MTSS1: variants seen among roughly 807,000 people sequenced by gnomAD.
The protein encoded by MTSS1 is protein MTSS 1.
Under a neutral mutation model 79.0 loss-of-function variants are expected in MTSS1, and 18 were observed. The observed-to-expected ratio is 0.23, with a 90% confidence interval of 0.16 to 0.34. The LOEUF (loss-of-function observed/expected upper bound fraction) is 0.34. MTSS1 is among the 10% of genes least tolerant of loss of function. The pLI is 1.00. For synonymous variants in MTSS1, 341 were observed against 368.6 expected (o/e 0.93, Z 0.86); for missense variants, 815 against 986.2 (o/e 0.83, Z 2.33).
intron 1 of MTSS1, among the ~76,000 whole-genome samples, chr8:124,716,947 G>A (rs1256154975): frequency 4.0e-5 from 6 of 149,738 alleles, no homozygotes; most frequent in African/African-American, 1.5e-4. Flanking sequence ...AATCACTGAT[G>A]TAAATCAATG....
At chr8:124,711,837 T>C (rs1416066528) in intron 1 of MTSS1, among the ~76,000 whole-genome samples, 1 of 151,860 alleles carries the variant, frequency 6.6e-6, no homozygotes, top group Non-Finnish European at 1.5e-5. Context: ...CAAAACCCTG[T>C]CTCTACTAAA....
chr8:124,634,202 T>C (rs1257161270), intron 3 of MTSS1, among the ~76,000 whole-genome samples: 1 of 151,874 alleles, frequency 6.6e-6, no homozygotes, highest in Non-Finnish European at 1.5e-5. Flanking sequence ...CACAACCTCC[T>C]GGGCGCAAGC....
intron 1 of MTSS1, among the ~76,000 whole-genome samples, chr8:124,721,747 A>G (rs1246124576): frequency 6.6e-6 from 1 of 152,086 alleles, no homozygotes; most frequent in East Asian, 1.9e-4. Context: ...TCAGCCTTGG[A>G]CATCACCAGA....
chr8:124,675,012 A>C (rs545994840), intron 3 of MTSS1, among the ~76,000 whole-genome samples: 95 of 152,290 alleles, frequency 6.2e-4, no homozygotes, highest in Non-Finnish European at 1.2e-3. Flanking sequence ...ATGAGCCACC[A>C]TGTCCGGCCC....
intron 7 of MTSS1, 134 bp downstream of exon 7, chr8:124,568,245 G>C: frequency 9.7e-7 from 1 of 1,028,292 alleles, no homozygotes; most frequent in Non-Finnish European, 1.4e-6. Flanking sequence ...TGAATCGCTG[G>C]TCTGTACAGG....
At chr8:124,720,471 A>G (rs1195008407) in intron 1 of MTSS1, among the ~76,000 whole-genome samples, 1 of 152,202 alleles carries the variant, frequency 6.6e-6, no homozygotes, top group East Asian at 1.9e-4. Context: ...TGACCCTAAT[A>G]AAGCAACTTT....
chr8:124,568,337 A>G, intron 7 of MTSS1, 42 bp downstream of exon 7: 1 of 1,592,646 alleles, frequency 6.3e-7, no homozygotes, highest in South Asian at 1.1e-5. Flanking sequence ...AGCCACCTCT[A>G]CACCAGCAGT....
intron 5 of MTSS1, among the ~76,000 whole-genome samples, chr8:124,587,751 C>T (rs1007568140): frequency 3.2e-4 from 48 of 152,176 alleles, no homozygotes; most frequent in African/African-American, 9.4e-4. Flanking sequence ...GTGATCCACC[C>T]GCCTCGGCCT....
chr8:124,589,925 C>T (rs1163577365), intron 4 of MTSS1, among the ~76,000 whole-genome samples: 2 of 152,102 alleles, frequency 1.3e-5, no homozygotes, highest in East Asian at 1.9e-4. Context: ...GGCGCGATCT[C>T]GGCTCACTGC....
chr8:124,572,644 C>A lies in MTSS1; in HGVS notation c.461-4108G>T, dbSNP rs186505602. ...CCCTCACTGGGCCATCACGATCTCT[C>A]ACCTGAACAGATGCCAACAGCCCCT... On this transcript the variant is annotated intron_variant, in intron 6 of 13. Coordinates refer to ENST00000518547, the MANE Select transcript of MTSS1 (RefSeq NM_014751.6). Among the ~76,000 whole-genome samples, 182 of 152,278 alleles carry A rather than the reference C, an allele frequency of 1.2e-3. 1 individual carries two copies. Among genetic ancestry groups the A allele is most frequent in the African/African-American group, 4.1e-3 (170 of 41,558 alleles).
In MTSS1 at chr8:124,614,277, C is replaced by T. The variant is rs573565217; in HGVS notation, c.209-23042G>A. Among the ~76,000 whole-genome samples the T allele has an allele frequency of 5.9e-5, 9 of 152,222 alleles. No individual in the cohort carries two copies. In the East Asian group the frequency reaches 1.7e-3, roughly 29 times the overall value. The stretch of plus-strand genomic sequence containing the variant: ...CAGGGGGATTACCTGCTACTGAAAC[C>T]TTGCTCAATTGGAGGCCAGGAGCTA... On this transcript the variant is annotated intron_variant, in intron 3 of 13. Transcript: ENST00000518547.
rs1824631974 is a variant in MTSS1, at chr8:124,558,896, T to C, written c.1036-1021A>G. ...AACCGAGCCACACACCACCAAAATA[T>C]AATAAATAAAAAAAGGAATGGGGAT... On this transcript the variant is annotated intron_variant, in intron 10 of 13. Transcript: ENST00000518547. 4.1e-6 allele frequency: 6 copies of C among 1,470,950 alleles called. 1 individual carries two copies. In the South Asian group the frequency reaches 5.3e-5, roughly 13 times the overall value. The allele number at this position is 1,470,950 out of a possible 1,614,324, so 91.1% of individuals were successfully genotyped here.
chr8:124,611,155 C>T (rs1835751035), intron 3 of MTSS1, among the ~76,000 whole-genome samples: 1 of 150,370 alleles, frequency 6.7e-6, no homozygotes, highest in Admixed American at 6.6e-5. Flanking sequence ...TAGAGCATCA[C>T]TAAAGATGGC....
chr8:124,616,917 C>T (rs1836982161), intron 3 of MTSS1, among the ~76,000 whole-genome samples: 1 of 152,168 alleles, frequency 6.6e-6, no homozygotes, highest in African/African-American at 2.4e-5. Context: ...AAATAGGGAT[C>T]GATTAACAAT....
chr8:124,631,001 TAA>T (rs766558288), intron 3 of MTSS1, among the ~76,000 whole-genome samples: 1 of 152,120 alleles, frequency 6.6e-6, no homozygotes, highest in Admixed American at 6.5e-5. Flanking sequence ...ATCACTGAGA[TAA>T]AAAGTTACCA....
chr8:124,668,835 A>ACT (rs1302056305), intron 3 of MTSS1, among the ~76,000 whole-genome samples: 1 of 152,034 alleles, frequency 6.6e-6, no homozygotes, highest in Non-Finnish European at 1.5e-5. Context: ...TCAAGGTTTG[A>ACT]CTCCCTTTGT....
At chr8:124,616,478 A>G (rs1215082784) in intron 3 of MTSS1, among the ~76,000 whole-genome samples, 2 of 151,722 alleles carry the variant, frequency 1.3e-5, no homozygotes, top group African/African-American at 4.8e-5. Context: ...ATGTGACCCA[A>G]CCCCCATATG....
At chr8:124,563,334 C>A (rs1469310431) in intron 9 of MTSS1, 2 of 308,760 alleles carry the variant, frequency 6.5e-6, no homozygotes, top group Admixed American at 9.8e-5. Flanking sequence ...CGCCTACCAC[C>A]AAAACGAGGG....
intron 3 of MTSS1, among the ~76,000 whole-genome samples, chr8:124,620,189 G>A (rs943646370): frequency 6.6e-6 from 1 of 151,978 alleles, no homozygotes; most frequent in Non-Finnish European, 1.5e-5. Flanking sequence ...CAGGTGACCC[G>A]CCCGCCTCAG....
Sources: allele counts gnomAD v4.1 joint callset (sites outside exome capture counted in the v4.1 genomes callset), GRCh38; gene constraint gnomAD v4.1.1; transcripts MANE v1.5; gene names NCBI Gene and HGNC (gene_info 2026-07-23, HGNC 2026-07-21).